EVI5L: variants seen among roughly 807,000 people sequenced by gnomAD.
EVI5L encodes the protein ecotropic viral integration site 5 like.
In EVI5L, 30 loss-of-function variants were observed where a neutral mutation model predicts 106.1. The observed-to-expected ratio is 0.28, with a 90% CI of 0.21 to 0.38. EVI5L has a LOEUF of 0.38. Ranked by LOEUF, EVI5L falls within the 10% of genes least tolerant of loss-of-function variation. The pLI is 1.00. For missense variants in EVI5L, 809 were observed against 1,098.0 expected, an observed-to-expected ratio of 0.74 and a Z score of 3.72; for synonymous variants, 489 against 483.3, an observed-to-expected ratio of 1.01 and a Z score of -0.15.
rs747246244 is a variant in EVI5L at position 7,846,593 on chromosome 19, G to A, written c.51G>A (p.Ser17=). 50 of 1,613,616 alleles carry A rather than the reference G, an allele frequency of 3.1e-5. No individual in the cohort carries two copies. The highest frequency in any genetic ancestry group is 1.6e-4 in the Middle Eastern group (1 of 6,082). ...SPDSSSQEAL[S]APTCSPTSDS... is the part of the protein sequence containing the mutation. ...ACTCCTCATCCCAGGAGGCCCTGTC[G>A]GCCCCCACCTGCTCCCCAACCTCTG... Residue 17 remains serine (S), a synonymous_variant, in exon 2 of 20, where the codon TCG becomes TCA. Coordinates refer to ENST00000538904, the MANE Select transcript of EVI5L (RefSeq NM_001159944.3).
chr19:7,862,926 G>A (rs752035529), intron 17 of EVI5L, 46 bp from the exon 18 acceptor site: 38 of 1,208,266 alleles, frequency 3.1e-5, no homozygotes, highest in Non-Finnish European at 4.2e-5. Context: ...CTGATGCGCC[G>A]CGCCCCCTGA....
At position 7,858,229 on chromosome 19, in the gene EVI5L, C is replaced by T. The variant is rs566389886; in HGVS notation, c.1272C>T (p.Tyr424=). The T allele has an allele frequency of 3.8e-5, 59 of 1,567,972 alleles. No homozygotes were observed. In the East Asian group the frequency reaches 4.0e-4, roughly 11 times the overall value. ...VTRAQEAEEN[Y]VIKRELAVVR... ...GGGCGCAGGAGGCGGAGGAGAACTA[C>T]GTCATCAAGCGGGAGCTGGCGGTGG... Residue 424 remains tyrosine, a synonymous_variant, in exon 13 of 20, where the codon TAC becomes TAT. Transcript: ENST00000538904. This position sits in a 1 kb window ranked among gnomAD's most constrained non-coding sequence, Gnocchi z 5.7.
rs1198853238 is a variant in EVI5L, at chr19:7,845,495, C to G, written c.-47-1001C>G. Among the ~76,000 whole-genome samples the G allele has an allele frequency of 6.6e-6, 1 of 152,294 alleles. No homozygotes were observed. The highest frequency in any genetic ancestry group is 2.4e-5 in the African/African-American group (1 of 41,556). The stretch of plus-strand genomic sequence containing the variant: ...TGGGGCCATCACTGAGTGTCAGGCT[C>G]TGTTCTGACCAGGTTATGTGCAGTC... On this transcript the variant is annotated intron_variant, in intron 1 of 19. Transcript: ENST00000538904. The surrounding 1 kb of genome is among the most constrained non-coding windows in gnomAD (Gnocchi z 4.0).
Position 7,843,782 on chromosome 19 carries a change from G to A in EVI5L, c.-47-2714G>A, listed in dbSNP as rs960152689. On this transcript the variant is annotated intron_variant, in intron 1 of 19. Coordinates refer to ENST00000538904, the MANE Select transcript of EVI5L (RefSeq NM_001159944.3). ...GGTGGGTGTGAATGTGTGTACATGCGTGAGGGAGTGGGGTGGCTGTGAAGA... is the reference window on the plus strand; with the variant it reads ...GGTGGGTGTGAATGTGTGTACATGCATGAGGGAGTGGGGTGGCTGTGAAGA... 1.7e-4 allele frequency among the ~76,000 whole-genome samples: 26 copies of A among 152,104 alleles called. No homozygotes were observed. The East Asian group carries it at 4.4e-3, about 26-fold the overall frequency.
At chr19:7,837,545 T>G (rs566650021) in intron 1 of EVI5L, among the ~76,000 whole-genome samples, 8 of 152,256 alleles carry the variant, frequency 5.3e-5, no homozygotes, top group African/African-American at 1.9e-4. Flanking sequence ...CATTCAGATT[T>G]CCTTTGTTTT....
intron 1 of EVI5L, among the ~76,000 whole-genome samples, chr19:7,840,690 A>T (rs1256233229): frequency 6.6e-6 from 1 of 151,856 alleles, no homozygotes; most frequent in East Asian, 1.9e-4. Flanking sequence ...CCTATTCTGG[A>T]CATTCCGTAT....
Position 7,858,338 on chromosome 19 carries a change from G to A in EVI5L, c.1374+7G>A, listed in dbSNP as rs753150973. On this transcript the variant is annotated splice_region_variant and intron_variant, in intron 13 of 19. Coordinates refer to ENST00000538904, the MANE Select transcript of EVI5L (RefSeq NM_001159944.3). This position sits in a 1 kb window ranked among gnomAD's most constrained non-coding sequence, Gnocchi z 5.7. ...GCAGCTACAGGAGCAGCAGGTAGGG[G>A]CGGGTGTGCGGGGCTGCTGGGCGGG... The A allele has an allele frequency of 4.5e-6, 7 of 1,542,688 alleles. No individual in the cohort carries two copies. The Admixed American group carries it at 1.2e-4, about 26-fold the overall frequency.
chr19:7,863,887 C>A lies in EVI5L; in HGVS notation c.*185C>A, dbSNP rs549618209. ...GTCCGACCTGGGCTCCTCAGGGCCC[C>A]GGGGCAGGCTCTCTATCCCCAGCAG... On this transcript the variant is annotated 3_prime_UTR_variant, in exon 20 of 20. Coordinates refer to ENST00000538904, the MANE Select transcript of EVI5L (RefSeq NM_001159944.3). The surrounding 1 kb of genome is among the most constrained non-coding windows in gnomAD (Gnocchi z 7.7). 1 of 771,800 alleles carries A rather than the reference C, an allele frequency of 1.3e-6. No individual in the cohort carries two copies. Among genetic ancestry groups the A allele is most frequent in the South Asian group, 2.2e-5 (1 of 45,592 alleles). 47.8% of individuals were successfully genotyped at this position (771,800 alleles called of 1,614,324 possible).
rs1050561971 is a variant in EVI5L at position 7,857,302 on chromosome 19, G to C, written c.1233+178G>C. On this transcript the variant is annotated intron_variant, in intron 12 of 19. Transcript: ENST00000538904. This position sits in a 1 kb window ranked among gnomAD's most constrained non-coding sequence, Gnocchi z 4.5. ...GAGGCTTCCCGGGGGGGCGGGGCAT[G>C]TGAAGTGGGGAGAAGGGTGTGTGTG... 6.5e-6 allele frequency: 5 copies of C among 766,854 alleles called. No homozygotes were observed. The African/African-American group carries it at 8.6e-5, about 13-fold the overall frequency. 47.5% of individuals were successfully genotyped at this position (766,854 alleles called of 1,614,324 possible).
intron 16 of EVI5L, 53 bp downstream of exon 16, chr19:7,862,330 C>T: frequency 6.3e-7 from 1 of 1,582,910 alleles, no homozygotes; most frequent in Non-Finnish European, 8.6e-7. Context: ...CCGTGGCCAG[C>T]CCCTGAGTTA....
chr19:7,849,423 C>A, intron 5 of EVI5L, 93 bp downstream of exon 5: 1 of 1,367,050 alleles, frequency 7.3e-7, no homozygotes, highest in Non-Finnish European at 1.0e-6. Context: ...GTGTCCTCCA[C>A]CCAGCGTCTT....
chr19:7,839,622 G>A (rs961013547), intron 1 of EVI5L, among the ~76,000 whole-genome samples: 3 of 151,834 alleles, frequency 2.0e-5, no homozygotes, highest in Admixed American at 6.6e-5. Context: ...CGTGGCAGGC[G>A]CCATCAAGAC....
In EVI5L at chr19:7,857,211, C is replaced by A; in HGVS notation, c.1233+87C>A. On this transcript the variant is annotated intron_variant, in intron 12 of 19. Coordinates refer to ENST00000538904, the MANE Select transcript of EVI5L (RefSeq NM_001159944.3). The surrounding 1 kb of genome is among the most constrained non-coding windows in gnomAD (Gnocchi z 4.5). ...ATGACAGCCAGTAACCGCCTCTTCC[C>A]TGCCATTCTGCGGGCAGGCCTGGCG... is the stretch of plus-strand genomic sequence containing the variant. The A allele has an allele frequency of 6.6e-7, 1 of 1,516,012 alleles. No individual in the cohort carries two copies. The highest frequency in any genetic ancestry group is 9.0e-7 in the Non-Finnish European group (1 of 1,116,316). The allele number at this position is 1,516,012 out of a possible 1,614,324, so 93.9% of individuals were successfully genotyped here.
chr19:7,852,969 A>G (rs1979329040), intron 8 of EVI5L, 117 bp from the exon 9 acceptor site: 6 of 911,846 alleles, frequency 6.6e-6, no homozygotes, highest in African/African-American at 1.7e-5. Context: ...CGTTGAGGAC[A>G]TGGCGACACC....
intron 10 of EVI5L, among the ~76,000 whole-genome samples, chr19:7,854,222 C>G (rs922743558): frequency 7.1e-6 from 1 of 141,492 alleles, no homozygotes; most frequent in African/African-American, 2.7e-5. Context: ...GCGGAGGTTA[C>G]AGTGAGGCAA....
chr19:7,843,308 A>C (rs1477622632), intron 1 of EVI5L, among the ~76,000 whole-genome samples: 3 of 112,318 alleles, frequency 2.7e-5, no homozygotes, highest in African/African-American at 1.1e-4. Context: ...TGTGTGTGAG[A>C]GAATAGGCAT....
At chr19:7,852,246 T>C (rs1018886684) in intron 8 of EVI5L, among the ~76,000 whole-genome samples, 3 of 152,146 alleles carry the variant, frequency 2.0e-5, no homozygotes, top group African/African-American at 7.2e-5. Context: ...CACCGCTACT[T>C]CTCTGCTGTG....
intron 10 of EVI5L, 38 bp downstream of exon 10, chr19:7,853,371 A>G: frequency 6.3e-7 from 1 of 1,588,820 alleles, no homozygotes. Flanking sequence ...CAGGGATGGG[A>G]GGCCTTTGGG....
intron 1 of EVI5L, among the ~76,000 whole-genome samples, chr19:7,844,593 G>C (rs1048002325): frequency 1.3e-5 from 2 of 152,174 alleles, no homozygotes; most frequent in South Asian, 2.1e-4. Flanking sequence ...GTCTCTGTCC[G>C]GGCAGACTTT....
Sources: gnomAD v4.1 joint callset for allele counts (sites outside exome capture counted in the v4.1 genomes callset) on GRCh38, gnomAD v4.1.1 for gene constraint, Gnocchi (gnomAD v3.1) non-coding constraint, MANE v1.5 for transcripts, NCBI Gene and HGNC (gene_info 2026-07-23, HGNC 2026-07-21) for gene names.